KCNJ15: variants seen among roughly 807,000 people sequenced by gnomAD.
KCNJ15 encodes ATP-sensitive inward rectifier potassium channel 15.
A neutral mutation model predicts 23.0 loss-of-function variants in KCNJ15; 14 were observed. That is an observed-to-expected ratio of 0.61 (90% confidence interval 0.40 to 0.95). The LOEUF is 0.95. Ranked by LOEUF, KCNJ15 falls within the 40% of genes least tolerant of loss-of-function variation. The pLI is 0.00. For missense variants in KCNJ15, 388 were observed against 461.8 expected (o/e 0.84, Z 1.46); for synonymous variants, 185 against 183.2 (o/e 1.01, Z -0.08).
At chr21:38,272,764 G>C (rs564330318) in intron 1 of KCNJ15, among the ~76,000 whole-genome samples, 58 of 152,276 alleles carry the variant, frequency 3.8e-4, no homozygotes, top group African/African-American at 1.3e-3. Context: ...TTCTGCTTCT[G>C]AAACTACCAG....
intron 1 of KCNJ15, chr21:38,237,322 G>A (rs1248953782): frequency 2.0e-5 from 3 of 152,210 alleles, no homozygotes; most frequent in African/African-American, 7.2e-5. Context: ...ATGAGGCTGG[G>A]GTGAAGGCTT....
chr21:38,271,261 C>CA (rs1982058994), intron 1 of KCNJ15, among the ~76,000 whole-genome samples: 1 of 152,172 alleles, frequency 6.6e-6, no homozygotes, highest in African/African-American at 2.4e-5. Context: ...AGTCTGACCC[C>CA]ATCTCCCAGT....
At chr21:38,286,762 A>G (rs1983959612) in intron 1 of KCNJ15, among the ~76,000 whole-genome samples, 1 of 152,254 alleles carries the variant, frequency 6.6e-6, no homozygotes, top group Admixed American at 6.5e-5. Flanking sequence ...ATATATGGGT[A>G]GAACTCAGGA....
intron 1 of KCNJ15, among the ~76,000 whole-genome samples, chr21:38,258,091 C>A (rs190412727): frequency 6.5e-4 from 99 of 151,932 alleles, no homozygotes; most frequent in African/African-American, 2.1e-3. Context: ...AAAAAAAAAT[C>A]CAAGTGATTC....
intron 1 of KCNJ15, among the ~76,000 whole-genome samples, chr21:38,259,443 AT>A (rs918021330): frequency 6.6e-6 from 1 of 152,082 alleles, no homozygotes; most frequent in Non-Finnish European, 1.5e-5. Context: ...AGCTACCGTT[AT>A]TTTTTTCCCT....
At chr21:38,291,502 T>C (rs1442754487) in intron 1 of KCNJ15, 1 of 152,242 alleles carries the variant, frequency 6.6e-6, no homozygotes, top group African/African-American at 2.4e-5. Flanking sequence ...GCAGTACTTA[T>C]ATATTTAATC....
chr21:38,279,358 A>G (rs1206336332), intron 1 of KCNJ15, among the ~76,000 whole-genome samples: 1 of 152,154 alleles, frequency 6.6e-6, no homozygotes, highest in Non-Finnish European at 1.5e-5. Context: ...ATCTGAAACC[A>G]TGGGAGTAGA....
chr21:38,290,294 A>G (rs1040079228), intron 1 of KCNJ15, among the ~76,000 whole-genome samples: 62 of 152,216 alleles, frequency 4.1e-4, no homozygotes, highest in African/African-American at 1.4e-3. Flanking sequence ...AAAAGTTTTT[A>G]AAGAATTCGC....
At chr21:38,234,836 G>T (rs559383782) in intron 1 of KCNJ15, among the ~76,000 whole-genome samples, 1 of 152,264 alleles carries the variant, frequency 6.6e-6, no homozygotes, top group East Asian at 1.9e-4. Context: ...TTTAAAATTT[G>T]TTCAGCATCC....
intron 1 of KCNJ15, among the ~76,000 whole-genome samples, chr21:38,289,141 G>T (rs980454027): frequency 6.9e-6 from 1 of 145,322 alleles, no homozygotes; most frequent in African/African-American, 2.6e-5. Context: ...AGGTTGCAGT[G>T]AGCTGAGATC....
chr21:38,271,460 G>A (rs926274508), intron 1 of KCNJ15, among the ~76,000 whole-genome samples: 1 of 152,206 alleles, frequency 6.6e-6, no homozygotes, highest in Admixed American at 6.5e-5. Flanking sequence ...CTGGTTTATC[G>A]TTTGGCAACA....
chr21:38,243,458 A>ATCACTCTG (rs111986589), intron 1 of KCNJ15, among the ~76,000 whole-genome samples: 96,674 of 151,386 alleles, frequency 0.64, 33,345 homozygotes, highest in African/African-American at 0.9. Flanking sequence ...GAGATGGAGT[A>ATCACTCTG]TCACCCAGGC....
chr21:38,243,241 G>A (rs996912016), intron 1 of KCNJ15, among the ~76,000 whole-genome samples: 5 of 151,944 alleles, frequency 3.3e-5, no homozygotes, highest in African/African-American at 1.2e-4. Context: ...AGATGCATCT[G>A]TTTATTTCCT....
At chr21:38,251,724 C>A (rs1002221171) in intron 1 of KCNJ15, among the ~76,000 whole-genome samples, 2 of 152,136 alleles carry the variant, frequency 1.3e-5, no homozygotes, top group African/African-American at 2.4e-5. Context: ...ATAGCGTGAC[C>A]CATCATCGCA....
At chr21:38,284,073 G>T (rs1340857012) in intron 1 of KCNJ15, among the ~76,000 whole-genome samples, 1 of 152,072 alleles carries the variant, frequency 6.6e-6, no homozygotes, top group East Asian at 1.9e-4. Flanking sequence ...TCTGTTGAAG[G>T]CCAGGCCCAT....
chr21:38,270,163 A>C (rs568363428), intron 1 of KCNJ15, among the ~76,000 whole-genome samples: 4 of 152,054 alleles, frequency 2.6e-5, no homozygotes, highest in South Asian at 2.1e-4. Flanking sequence ...CCTCTTCTAC[A>C]CTTTCTAAAT....
At position 38,300,386 on chromosome 21, in the gene KCNJ15, C is replaced by G. The variant is rs993667648; in HGVS notation, c.1125C>G (p.Val375=). 9 of 1,600,036 alleles carry G rather than the reference C, an allele frequency of 5.6e-6. No individual in the cohort carries two copies. The African/African-American group carries it at 1.2e-4, about 21-fold the overall frequency. ...LRTLLLQQSN[V] ...CACTTTTATTACAACAGAGCAATGT[C>G]TGATCACAGGGGCGCCATCCAGGTT... Residue 375 remains valine, a synonymous_variant, in exon 3 of 3, where the codon GTC becomes GTG. Transcript: ENST00000398938.
At chr21:38,288,020 TTTTTTCTTTG>T (rs1984105536) in intron 1 of KCNJ15, among the ~76,000 whole-genome samples, 1 of 129,958 alleles carries the variant, frequency 7.7e-6, no homozygotes, top group African/African-American at 2.7e-5. Context: ...AATAACTTGT[TTTTTTCTTTG>T]TTTTTTTTTT....
intron 1 of KCNJ15, among the ~76,000 whole-genome samples, chr21:38,262,294 T>G (rs997812421): frequency 6.6e-6 from 1 of 152,252 alleles, no homozygotes; most frequent in African/African-American, 2.4e-5. Flanking sequence ...CTGGAGCACC[T>G]GGCTGCTGTG....
Sources: gnomAD v4.1 joint callset for allele counts (sites outside exome capture counted in the v4.1 genomes callset) on GRCh38, gnomAD v4.1.1 for gene constraint, MANE v1.5 for transcripts, NCBI Gene and HGNC (gene_info 2026-07-23, HGNC 2026-07-21) for gene names.